INPP4B: variants seen among roughly 807,000 people sequenced by gnomAD.
INPP4B encodes the protein inositol polyphosphate 4-phosphatase type II.
INPP4B carries 55 observed loss-of-function variants against 122.5 expected under a neutral mutation model. The observed-to-expected ratio is 0.45, with a 90% CI of 0.36 to 0.56. INPP4B has a LOEUF of 0.56. Ranked by LOEUF, INPP4B falls within the 20% of genes least tolerant of loss-of-function variation. The pLI is 0.00. For missense variants in INPP4B, 1,000 were observed against 1,097.7 expected, an observed-to-expected ratio of 0.91 and a Z score of 1.26; for synonymous variants, 403 against 388.7, an observed-to-expected ratio of 1.04 and a Z score of -0.43.
intron 23 of INPP4B, among the ~76,000 whole-genome samples, chr4:142,090,387 G>C (rs912581667): frequency 7.6e-5 from 8 of 104,994 alleles, no homozygotes; most frequent in African/African-American, 2.1e-4. Flanking sequence ...CAATACTTGG[G>C]TTGCTGCCAT....
At chr4:142,250,238 A>T (rs1303095985) in intron 11 of INPP4B, among the ~76,000 whole-genome samples, 1 of 152,258 alleles carries the variant, frequency 6.6e-6, no homozygotes, top group Non-Finnish European at 1.5e-5. Flanking sequence ...CAAGGGCATG[A>T]AAAGGGTGAG....
intron 10 of INPP4B, among the ~76,000 whole-genome samples, chr4:142,268,712 T>G (rs1744250391): frequency 6.6e-6 from 1 of 152,160 alleles, no homozygotes; most frequent in Non-Finnish European, 1.5e-5. Context: ...ACAACATGGA[T>G]AAACCTGGAT....
chr4:142,754,099 G>A (rs1300548012), intron 1 of INPP4B, among the ~76,000 whole-genome samples: 1 of 152,062 alleles, frequency 6.6e-6, no homozygotes, highest in Non-Finnish European at 1.5e-5. Context: ...TAATGCCGTA[G>A]ATGCCAATTG....
intron 1 of INPP4B, among the ~76,000 whole-genome samples, chr4:142,818,396 T>C (rs111650791): frequency 6.6e-6 from 1 of 152,198 alleles, no homozygotes; most frequent in Non-Finnish European, 1.5e-5. Context: ...TCTCAGAGGC[T>C]ATTCCAGGGC....
intron 2 of INPP4B, among the ~76,000 whole-genome samples, chr4:142,716,366 C>T (rs964958870): frequency 2.0e-5 from 3 of 152,180 alleles, no homozygotes; most frequent in Non-Finnish European, 4.4e-5. Flanking sequence ...TGGCTAGATT[C>T]AGTGACCCAA....
chr4:142,305,469 G>A lies in INPP4B; in HGVS notation c.492C>T (p.Val164=), dbSNP rs530369538. Residue 164 remains valine (V), a synonymous_variant, in exon 9 of 26, where the codon GTC becomes GTT. Transcript: ENST00000262992. ...ACAAAGAGACCCACCTCAGGCTCAG[G>A]ACCAGCAATTGCTCCTTTGACTTCA... The part of the protein sequence containing the change: ...ELLKSKEQLL[V]LSLRTSDGGK... 6.2e-7 allele frequency: 1 copy of A among 1,612,118 alleles called. No individual in the cohort carries two copies. The highest frequency in any genetic ancestry group is 1.1e-5 in the South Asian group (1 of 90,948).
chr4:142,072,427 T>C (rs1316400795), intron 25 of INPP4B, among the ~76,000 whole-genome samples: 2 of 151,252 alleles, frequency 1.3e-5, no homozygotes, highest in African/African-American at 4.9e-5. Context: ...TGTATACATA[T>C]GTAACTAACC....
intron 5 of INPP4B, among the ~76,000 whole-genome samples, chr4:142,424,949 G>A (rs1807718951): frequency 6.6e-6 from 1 of 151,890 alleles, no homozygotes; most frequent in South Asian, 2.1e-4. Flanking sequence ...AGCTAATGTA[G>A]ATTTACCCAT....
intron 2 of INPP4B, among the ~76,000 whole-genome samples, chr4:142,490,180 G>A (rs1333832570): frequency 6.6e-6 from 1 of 151,900 alleles, no homozygotes; most frequent in Non-Finnish European, 1.5e-5. Context: ...AACCTCCCAG[G>A]CTCAATTGAT....
At chr4:142,322,941 G>A (rs1322693299) in intron 7 of INPP4B, among the ~76,000 whole-genome samples, 1 of 152,220 alleles carries the variant, frequency 6.6e-6, no homozygotes, top group Non-Finnish European at 1.5e-5. Flanking sequence ...CAAAGTTAGA[G>A]TAAAGAACTA....
intron 2 of INPP4B, among the ~76,000 whole-genome samples, chr4:142,624,736 A>C (rs1045580921): frequency 5.3e-5 from 8 of 152,174 alleles, no homozygotes; most frequent in Admixed American, 5.2e-4. Context: ...TCCTCAATAA[A>C]ATACTGGCAA....
At chr4:142,093,787 A>G (rs1432364504) in intron 23 of INPP4B, among the ~76,000 whole-genome samples, 1 of 152,210 alleles carries the variant, frequency 6.6e-6, no homozygotes, top group East Asian at 1.9e-4. Flanking sequence ...ATACAAAAAA[A>G]TCAAATGTCA....
At chr4:142,626,138 C>G (rs1746331821) in intron 2 of INPP4B, among the ~76,000 whole-genome samples, 1 of 152,122 alleles carries the variant, frequency 6.6e-6, no homozygotes, top group African/African-American at 2.4e-5. Flanking sequence ...CAAATGGGAT[C>G]TCATTAAACT....
At chr4:142,792,438 A>T (rs892945731) in intron 1 of INPP4B, among the ~76,000 whole-genome samples, 1 of 152,060 alleles carries the variant, frequency 6.6e-6, no homozygotes, top group Admixed American at 6.6e-5. Context: ...TTTTATCATA[A>T]ACATTTTCTC....
At chr4:142,499,021 G>A (rs1478315868) in intron 2 of INPP4B, among the ~76,000 whole-genome samples, 2 of 152,126 alleles carry the variant, frequency 1.3e-5, no homozygotes, top group Non-Finnish European at 2.9e-5. Flanking sequence ...AGAGTGGAAT[G>A]CAATTTTCCA....
intron 7 of INPP4B, among the ~76,000 whole-genome samples, chr4:142,349,879 T>C (rs1304739598): frequency 2.2e-5 from 3 of 135,700 alleles, no homozygotes; most frequent in Non-Finnish European, 3.2e-5. Flanking sequence ...AAACCAATAC[T>C]GTCAGATAAG....
intron 2 of INPP4B, among the ~76,000 whole-genome samples, chr4:142,590,376 T>C (rs1321955525): frequency 6.6e-6 from 1 of 152,218 alleles, no homozygotes; most frequent in African/African-American, 2.4e-5. Context: ...GGACAAGGTA[T>C]TGACCAAGCA....
intron 25 of INPP4B, among the ~76,000 whole-genome samples, chr4:142,034,596 C>A (rs903781584): frequency 6.6e-6 from 1 of 152,100 alleles, no homozygotes; most frequent in African/African-American, 2.4e-5. Context: ...CACAGCCAGG[C>A]TCACCACTGC....
intron 7 of INPP4B, among the ~76,000 whole-genome samples, chr4:142,357,414 C>G (rs1214685479): frequency 6.6e-6 from 1 of 151,946 alleles, no homozygotes; most frequent in Non-Finnish European, 1.5e-5. Flanking sequence ...ATGTGGAAAA[C>G]CCACACATCT....
Sources: allele counts gnomAD v4.1 joint callset (sites outside exome capture counted in the v4.1 genomes callset), GRCh38; gene constraint gnomAD v4.1.1; transcripts MANE v1.5; gene names NCBI Gene and HGNC (gene_info 2026-07-23, HGNC 2026-07-21).